Variants in LDB2 observed in about 807,000 individuals in gnomAD.
The protein encoded by LDB2 is LIM domain binding 2, also known as LIM domain-binding protein 2.
LDB2 carries 12 observed loss-of-function variants against 44.3 expected under a neutral mutation model. The observed-to-expected ratio is 0.27, with a 90% CI of 0.17 to 0.44. The LOEUF (loss-of-function observed/expected upper bound fraction) is 0.44. Ranked by LOEUF, LDB2 falls within the 20% of genes least tolerant of loss-of-function variation. The pLI is 1.00. For synonymous variants in LDB2, 164 were observed against 174.8 expected (o/e 0.94, Z 0.49); for missense variants, 344 against 473.5 (o/e 0.73, Z 2.54).
At chr4:16,878,367 T>C (rs989429956) in intron 1 of LDB2, among the ~76,000 whole-genome samples, 6 of 152,196 alleles carry the variant, frequency 3.9e-5, no homozygotes, top group African/African-American at 1.2e-4. Context: ...CCAGTAACCA[T>C]AGAGTTTGGC....
intron 2 of LDB2, among the ~76,000 whole-genome samples, chr4:16,689,955 A>C (rs1000641516): frequency 2.0e-5 from 3 of 152,172 alleles, no homozygotes; most frequent in Non-Finnish European, 4.4e-5. Flanking sequence ...CACTACCTCT[A>C]ATGAGAAAAT....
chr4:16,586,281 G>C (rs1193950235), intron 4 of LDB2, among the ~76,000 whole-genome samples: 1 of 152,120 alleles, frequency 6.6e-6, no homozygotes, highest in African/African-American at 2.4e-5. Context: ...CTCTTGGAGA[G>C]GCCTTGGCAC....
chr4:16,703,810 C>T (rs974286782), intron 2 of LDB2, among the ~76,000 whole-genome samples: 10 of 152,246 alleles, frequency 6.6e-5, no homozygotes, highest in African/African-American at 1.9e-4. Flanking sequence ...AGTAATAATA[C>T]CACCAATTGC....
chr4:16,573,146 T>A (rs1024771643), intron 5 of LDB2, among the ~76,000 whole-genome samples: 1 of 152,160 alleles, frequency 6.6e-6, no homozygotes, highest in Non-Finnish European at 1.5e-5. Flanking sequence ...ATTGATGGAT[T>A]TGTATGTGTA....
At chr4:16,806,382 AT>A (rs1778798123) in intron 1 of LDB2, among the ~76,000 whole-genome samples, 1 of 152,100 alleles carries the variant, frequency 6.6e-6, no homozygotes, top group South Asian at 2.1e-4. Flanking sequence ...TTCTCCAGAG[AT>A]CCAGCTCAGT....
intron 5 of LDB2, among the ~76,000 whole-genome samples, chr4:16,581,933 A>AAAGAAAGAAAGG (rs899463810): frequency 6.6e-6 from 1 of 151,700 alleles, no homozygotes; most frequent in African/African-American, 2.4e-5. Flanking sequence ...AGAAAGAAAG[A>AAAGAAAGAAAGG]AAGAAAGGAA....
At chr4:16,646,984 T>C (rs976026094) in intron 2 of LDB2, among the ~76,000 whole-genome samples, 9 of 152,186 alleles carry the variant, frequency 5.9e-5, no homozygotes, top group Non-Finnish European at 1.2e-4. Context: ...AATGCAAACA[T>C]ATATCCATGT....
At chr4:16,692,698 C>A (rs570134389) in intron 2 of LDB2, among the ~76,000 whole-genome samples, 19 of 152,024 alleles carry the variant, frequency 1.2e-4, no homozygotes, top group Non-Finnish European at 4.4e-5. Flanking sequence ...AGAGACAGAG[C>A]CAGGAAGAAA....
intron 5 of LDB2, among the ~76,000 whole-genome samples, chr4:16,542,095 A>C (rs1335950795): frequency 7.8e-5 from 1 of 12,796 alleles, no homozygotes; most frequent in Non-Finnish European, 1.6e-4. Flanking sequence ...CAATTACATC[A>C]GGTGGTGGGG....
chr4:16,633,142 A>G (rs371272066), intron 2 of LDB2, among the ~76,000 whole-genome samples: 2 of 152,212 alleles, frequency 1.3e-5, no homozygotes, highest in Admixed American at 6.5e-5. Flanking sequence ...TTGCAGGGAC[A>G]TGGATGAAGC....
intron 2 of LDB2, among the ~76,000 whole-genome samples, chr4:16,635,325 T>C (rs1733291557): frequency 6.6e-6 from 1 of 152,130 alleles, no homozygotes; most frequent in Admixed American, 6.5e-5. Flanking sequence ...CCCTGTCCTT[T>C]CAATAGTTGT....
At chr4:16,578,834 C>T (rs1489948756) in intron 5 of LDB2, among the ~76,000 whole-genome samples, 2 of 152,092 alleles carry the variant, frequency 1.3e-5, no homozygotes, top group Non-Finnish European at 2.9e-5. Flanking sequence ...AAATATGGCA[C>T]ATATACACAA....
intron 5 of LDB2, among the ~76,000 whole-genome samples, chr4:16,547,679 T>A (rs1736237780): frequency 6.6e-6 from 1 of 152,042 alleles, no homozygotes; most frequent in Admixed American, 6.6e-5. Flanking sequence ...AGACCCTAAT[T>A]ATAGAGGCAG....
chr4:16,830,648 T>G (rs1234438148), intron 1 of LDB2, among the ~76,000 whole-genome samples: 2 of 152,220 alleles, frequency 1.3e-5, no homozygotes, highest in Non-Finnish European at 2.9e-5. Flanking sequence ...AGCATATTCC[T>G]TTTTGTTTCT....
intron 2 of LDB2, among the ~76,000 whole-genome samples, chr4:16,634,566 G>C (rs918924934): frequency 6.6e-6 from 1 of 152,202 alleles, no homozygotes; most frequent in Non-Finnish European, 1.5e-5. Flanking sequence ...CTGGTCATTA[G>C]AGAAATGCAA....
At chr4:16,648,964 AT>A (rs78918685) in intron 2 of LDB2, among the ~76,000 whole-genome samples, 2,972 of 151,888 alleles carry the variant, frequency 0.02, 27 homozygotes, top group East Asian at 0.04. Flanking sequence ...CAATAATTTG[AT>A]TTTTTTTTAA....
In LDB2 at chr4:16,805,505, G is replaced by A. The variant is rs1778609222; in HGVS notation, c.133-46245C>T. The stretch of plus-strand genomic sequence containing the variant: ...GTCCAGTGTCTCCTGGGGAGGAAGA[G>A]GTGGAGAACAATGCACAGGCTCATG... On this transcript the variant is annotated intron_variant, in intron 1 of 7. Transcript: ENST00000304523. 1.3e-5 allele frequency among the ~76,000 whole-genome samples: 2 copies of A among 152,172 alleles called. 1 individual carries two copies. Among genetic ancestry groups the A allele is most frequent in the South Asian group, 4.1e-4 (2 of 4,832 alleles).
chr4:16,762,387 A>G lies in LDB2; in HGVS notation c.133-3127T>C, dbSNP rs534717863. On this transcript the variant is annotated intron_variant, in intron 1 of 7. Transcript: ENST00000304523. ...GGCCCAGTGACGGGATCCCCTCTGTATTAATTCATTCTCACACTGCTATGA... is the reference window on the plus strand; with the variant it reads ...GGCCCAGTGACGGGATCCCCTCTGTGTTAATTCATTCTCACACTGCTATGA... Among the ~76,000 whole-genome samples, 10 of 152,302 alleles carry G rather than the reference A, an allele frequency of 6.6e-5. No homozygotes were observed. The South Asian group carries it at 2.1e-3, about 32-fold the overall frequency.
chr4:16,701,376 A>G (rs2152633224), intron 2 of LDB2, among the ~76,000 whole-genome samples: 1 of 152,278 alleles, frequency 6.6e-6, no homozygotes, highest in Non-Finnish European at 1.5e-5. Flanking sequence ...AGTGTCCAAG[A>G]CCTGCCTGGC....
Sources: gnomAD v4.1 joint callset for allele counts (sites outside exome capture counted in the v4.1 genomes callset) on GRCh38, gnomAD v4.1.1 for gene constraint, MANE v1.5 for transcripts, NCBI Gene and HGNC (gene_info 2026-07-23, HGNC 2026-07-21) for gene names.